Variants in TRAF3 observed in about 807,000 individuals in gnomAD.
TRAF3 encodes TNF receptor associated factor 3, also known as TNF receptor-associated factor 3.
Under a neutral mutation model 62.3 loss-of-function variants are expected in TRAF3, and 13 were observed. The observed-to-expected ratio is 0.21, with a 90% CI of 0.14 to 0.33. The LOEUF is 0.33. Ranked by LOEUF, TRAF3 falls within the 10% of genes least tolerant of loss-of-function variation. The pLI, the probability that TRAF3 is intolerant of heterozygous loss-of-function variation, is 1.00. For synonymous variants in TRAF3, 269 were observed against 283.4 expected, an observed-to-expected ratio of 0.95 and a Z score of 0.51; for missense variants, 440 against 741.8, an observed-to-expected ratio of 0.59 and a Z score of 4.73.
At chr14:102,839,990 C>G (rs1178029554) in intron 2 of TRAF3, among the ~76,000 whole-genome samples, 1 of 152,104 alleles carries the variant, frequency 6.6e-6, no homozygotes, top group Non-Finnish European at 1.5e-5. Context: ...AGGTATTAGT[C>G]TAATTCTACT....
chr14:102,791,814 T>C (rs1897803164), intron 1 of TRAF3, among the ~76,000 whole-genome samples: 1 of 88,018 alleles, frequency 1.1e-5, no homozygotes, highest in South Asian at 2.8e-4. Flanking sequence ...CTTTCTTTCC[T>C]TTTTTTTTTT....
intron 2 of TRAF3, among the ~76,000 whole-genome samples, chr14:102,845,465 A>C (rs1440392066): frequency 1.3e-5 from 2 of 151,640 alleles, no homozygotes; most frequent in Non-Finnish European, 2.9e-5. Flanking sequence ...AGTCTTCCAA[A>C]GTGCTGAGAT....
intron 2 of TRAF3, among the ~76,000 whole-genome samples, chr14:102,862,425 T>G (rs887205593): frequency 6.6e-6 from 1 of 151,722 alleles, no homozygotes. Flanking sequence ...AAAAAAATTA[T>G]TGGTTGACAG....
At chr14:102,854,624 G>A (rs2092973) in intron 2 of TRAF3, among the ~76,000 whole-genome samples, 59,640 of 151,904 alleles carry the variant, frequency 0.39, 16,066 homozygotes, top group African/African-American at 0.76. Context: ...CAGCCCCCCA[G>A]ATAGCTGGGA....
chr14:102,827,891 C>T (rs1380808326), intron 1 of TRAF3, among the ~76,000 whole-genome samples: 3 of 151,512 alleles, frequency 2.0e-5, no homozygotes, highest in Non-Finnish European at 4.4e-5. Flanking sequence ...CCTGGAAGTG[C>T]TTGCTGTACT....
At chr14:102,841,433 G>A (rs1006777112) in intron 2 of TRAF3, among the ~76,000 whole-genome samples, 6 of 152,242 alleles carry the variant, frequency 3.9e-5, no homozygotes, top group Non-Finnish European at 8.8e-5. Flanking sequence ...ACCACCCAGG[G>A]TGGTCTCAGG....
chr14:102,845,098 G>C (rs1213306093), intron 2 of TRAF3, among the ~76,000 whole-genome samples: 3 of 151,824 alleles, frequency 2.0e-5, no homozygotes, highest in Admixed American at 6.6e-5. Flanking sequence ...GGGTTTCACT[G>C]TGTTAACTAG....
chr14:102,808,530 A>T (rs1330575330), intron 1 of TRAF3, among the ~76,000 whole-genome samples: 2 of 151,876 alleles, frequency 1.3e-5, no homozygotes, highest in Non-Finnish European at 2.9e-5. Flanking sequence ...AAAAAAAAGA[A>T]AAGAAGAACC....
At chr14:102,888,698 C>A (rs899399759) in intron 7 of TRAF3, among the ~76,000 whole-genome samples, 1 of 152,148 alleles carries the variant, frequency 6.6e-6, no homozygotes, top group Non-Finnish European at 1.5e-5. Context: ...ATGGGAATTT[C>A]TTCAATAAAA....
chr14:102,868,225 C>T (rs1363651064), intron 2 of TRAF3, among the ~76,000 whole-genome samples: 1 of 152,184 alleles, frequency 6.6e-6, no homozygotes, highest in Non-Finnish European at 1.5e-5. Context: ...CTGAGGCTTA[C>T]CGTATCGTGA....
intron 2 of TRAF3, among the ~76,000 whole-genome samples, chr14:102,845,683 T>C (rs574006878): frequency 2.0e-5 from 3 of 151,558 alleles, no homozygotes; most frequent in South Asian, 4.2e-4. Flanking sequence ...GCGTGGCTAA[T>C]TTTTTTGTAT....
chr14:102,879,195 A>G (rs1413004535), intron 6 of TRAF3, among the ~76,000 whole-genome samples: 2 of 152,120 alleles, frequency 1.3e-5, no homozygotes, highest in African/African-American at 4.8e-5. Context: ...GGGCTTGGCC[A>G]TGAAGTGACT....
At chr14:102,898,887 A>G (rs977458748) in intron 10 of TRAF3, among the ~76,000 whole-genome samples, 1 of 152,240 alleles carries the variant, frequency 6.6e-6, no homozygotes, top group African/African-American at 2.4e-5. Context: ...GGGGAAGCCA[A>G]GTTGCCAAGG....
intron 2 of TRAF3, among the ~76,000 whole-genome samples, chr14:102,869,223 T>A (rs1187026665): frequency 6.6e-6 from 1 of 152,150 alleles, no homozygotes; most frequent in African/African-American, 2.4e-5. Context: ...GGTGCTAGAT[T>A]AATAAGATGA....
chr14:102,848,055 A>C (rs1258183242), intron 2 of TRAF3, among the ~76,000 whole-genome samples: 1 of 152,210 alleles, frequency 6.6e-6, no homozygotes, highest in Non-Finnish European at 1.5e-5. Context: ...AGGAAGGCAC[A>C]GGCAGCCTGG....
intron 2 of TRAF3, among the ~76,000 whole-genome samples, chr14:102,848,471 AT>A (rs540262080): frequency 6.4e-4 from 97 of 152,320 alleles, no homozygotes; most frequent in African/African-American, 2.2e-3. Flanking sequence ...AATGTTAAAA[AT>A]AAGTATAAGA....
intron 2 of TRAF3, among the ~76,000 whole-genome samples, chr14:102,836,407 A>T (rs1886009323): frequency 6.6e-6 from 1 of 152,246 alleles, no homozygotes; most frequent in Non-Finnish European, 1.5e-5. Flanking sequence ...ATATTGATTA[A>T]TTTTTGGAGA....
At chr14:102,781,643 T>C (rs2140051214) in intron 1 of TRAF3, among the ~76,000 whole-genome samples, 1 of 152,188 alleles carries the variant, frequency 6.6e-6, no homozygotes, top group Non-Finnish European at 1.5e-5. Context: ...TTTATTTTAT[T>C]TGAAACAGGG....
At chr14:102,854,047 C>T (rs887410296) in intron 2 of TRAF3, among the ~76,000 whole-genome samples, 1 of 152,084 alleles carries the variant, frequency 6.6e-6, no homozygotes, top group Non-Finnish European at 1.5e-5. Flanking sequence ...AATATGTGGC[C>T]TTTTGTTTCT....
Sources: gnomAD v4.1 joint callset for allele counts (sites outside exome capture counted in the v4.1 genomes callset) on GRCh38, gnomAD v4.1.1 for gene constraint, MANE v1.5 for transcripts, NCBI Gene and HGNC (gene_info 2026-07-23, HGNC 2026-07-21) for gene names.